MBTPS1: variants seen among roughly 807,000 people sequenced by gnomAD.
MBTPS1 encodes membrane-bound transcription factor site-1 protease.
MBTPS1 carries 94 observed loss-of-function variants against 127.8 expected under a neutral mutation model. The observed-to-expected ratio is 0.74, with a 90% CI of 0.62 to 0.87. The LOEUF is 0.87. MBTPS1 is among the 40% of genes least tolerant of loss of function. The pLI, the probability that MBTPS1 is intolerant of heterozygous loss-of-function variation, is 0.00. For synonymous variants in MBTPS1, 632 were observed against 509.4 expected, an observed-to-expected ratio of 1.24 and a Z score of -3.24; for missense variants, 1,636 against 1,353.2, an observed-to-expected ratio of 1.21 and a Z score of -3.28.
At chr16:84,085,181 C>G in intron 9 of MBTPS1, 47 bp from the exon 10 acceptor site, 1 of 1,577,868 alleles carries the variant, frequency 6.3e-7, no homozygotes, top group Non-Finnish European at 8.7e-7. Flanking sequence ...CATTGGCATA[C>G]AGCCGCATGC....
At position 84,081,840 on chromosome 16, in the gene MBTPS1, C is replaced by T; in HGVS notation, c.1355G>A (p.Arg452Lys). ...CTCAAACATGTTGACCCCGGGGAGC[C>T]TCCGGGCTGACGCGATCAGGGCCTG... ...MKQALIASAR[R>K]LPGVNMFEQG... The change falls in exon 11 of 23, where the codon AGG (arginine) becomes AAG (lysine). Residue 452 changes from arginine (R) to lysine (K), a missense_variant. By Grantham distance (26) the Arg-to-Lys change is conservative (BLOSUM62 2). Coordinates refer to ENST00000343411, the MANE Select transcript of MBTPS1 (RefSeq NM_003791.4). 6.5e-7 allele frequency: 1 copy of T among 1,533,304 alleles called. No individual in the cohort carries two copies. Among genetic ancestry groups the T allele is most frequent in the Middle Eastern group, 1.7e-4 (1 of 5,786 alleles). The allele number at this position is 1,533,304 out of a possible 1,614,324, so 95.0% of individuals were successfully genotyped here. A position where few individuals can be genotyped will look rare whatever the true frequency, so the allele number is the denominator to read the frequency against.
In MBTPS1 at chr16:84,113,253, C is replaced by T. The variant is rs530726008; in HGVS notation, c.-325+3482G>A. On this transcript the variant is annotated intron_variant, in intron 1 of 22. Coordinates refer to ENST00000343411, the MANE Select transcript of MBTPS1 (RefSeq NM_003791.4). ...TTAGAGAGCCTACTTAGGGCTGTTA[C>T]TGTATCCACTAAATGTTAACTGGAT... Among the ~76,000 whole-genome samples, 13 of 152,300 alleles carry T rather than the reference C, an allele frequency of 8.5e-5. No individual in the cohort carries two copies. The East Asian group carries it at 2.1e-3, about 25-fold the overall frequency.
At chr16:84,087,653 T>C (rs2086050070) in intron 8 of MBTPS1, among the ~76,000 whole-genome samples, 193 bp from the exon 9 acceptor site, 1 of 152,166 alleles carries the variant, frequency 6.6e-6, no homozygotes, top group Non-Finnish European at 1.5e-5. Flanking sequence ...ACGTTCATGC[T>C]GTGCTCACAT....
intron 1 of MBTPS1, among the ~76,000 whole-genome samples, chr16:84,108,301 G>A (rs925775762): frequency 6.6e-6 from 1 of 152,102 alleles, no homozygotes; most frequent in South Asian, 2.1e-4. Flanking sequence ...GTCTCACTTT[G>A]CTGCCCAGGC....
At chr16:84,056,746 A>AT (rs1480836669) in intron 21 of MBTPS1, 1 of 152,394 alleles carries the variant, frequency 6.6e-6, no homozygotes, top group Non-Finnish European at 1.5e-5. Context: ...GGACGATCAA[A>AT]TGAACGTGTG....
rs922752793 is a variant in MBTPS1, at chr16:84,099,405, A to T, written c.164-95T>A. The T allele has an allele frequency of 1.0e-5, 13 of 1,277,546 alleles. No homozygotes were observed. In the African/African-American group the frequency reaches 1.8e-4, roughly 18 times the overall value. The allele number at this position is 1,277,546 out of a possible 1,614,324, so 79.1% of individuals were successfully genotyped here. A position where few individuals can be genotyped will look rare whatever the true frequency, so the allele number is the denominator to read the frequency against. ...TAATCTAAAATCTGGCAAAAGAAAAATTATCTTAAAGCCCACAGCAGACGA... is the reference window on the plus strand; with the variant it reads ...TAATCTAAAATCTGGCAAAAGAAAATTTATCTTAAAGCCCACAGCAGACGA... On this transcript the variant is annotated intron_variant, in intron 2 of 22. Coordinates refer to ENST00000343411, the MANE Select transcript of MBTPS1 (RefSeq NM_003791.4).
intron 3 of MBTPS1, 86 bp downstream of exon 3, chr16:84,098,967 C>G: frequency 7.1e-6 from 9 of 1,260,300 alleles, no homozygotes; most frequent in Non-Finnish European, 9.1e-6. Flanking sequence ...TGCGGATACT[C>G]ACTGTACTAT....
chr16:84,056,382 A>G, intron 21 of MBTPS1: 1 of 393,946 alleles, frequency 2.5e-6, no homozygotes, highest in East Asian at 4.7e-5. Context: ...CAATATGACC[A>G]GCAGGAGCCT....
Position 84,069,229 on chromosome 16 carries a change from T to C in MBTPS1, c.1955+637A>G, listed in dbSNP as rs570995165. Reference sequence around the variant, plus strand: ...TCCAAACATAAAAGCAGAAATGAGCTTGGCTAATGCACCAAGAGAAAGTCA... The same window carrying C: ...TCCAAACATAAAAGCAGAAATGAGCCTGGCTAATGCACCAAGAGAAAGTCA... On this transcript the variant is annotated intron_variant, in intron 14 of 22. Transcript: ENST00000343411. Among the ~76,000 whole-genome samples, 5 of 152,312 alleles carry C rather than the reference T, an allele frequency of 3.3e-5. No homozygotes were observed. The East Asian group carries it at 9.7e-4, about 29-fold the overall frequency.
rs769236326 is a variant in MBTPS1, at chr16:84,060,783, T to C, written c.2603A>G (p.Gln868Arg). 1 of 1,598,260 alleles carries C rather than the reference T, an allele frequency of 6.3e-7. No homozygotes were observed. Among genetic ancestry groups the C allele is most frequent in the Non-Finnish European group, 8.5e-7 (1 of 1,172,444 alleles). ...DCFWLLDALL[Q>R]YTSYGVTPPS... is the part of the protein sequence containing the mutation. ...CGGTGTCACCCCATACGATGTGTAC[T>C]GGAGGAGGGCATCCAGAAGCCAAAA... The change falls in exon 20 of 23, where the codon CAG becomes CGG. Residue 868 changes from glutamine to arginine, a missense_variant. Transcript: ENST00000343411.
intron 13 of MBTPS1, among the ~76,000 whole-genome samples, chr16:84,070,274 T>A: frequency 6.6e-6 from 1 of 152,376 alleles, no homozygotes; most frequent in Non-Finnish European, 1.5e-5. Flanking sequence ...TAGAGCCTCA[T>A]AGGATTAACC....
At chr16:84,074,576 C>A in intron 12 of MBTPS1, 21 bp downstream of exon 12, 1 of 1,610,118 alleles carries the variant, frequency 6.2e-7, no homozygotes, top group Non-Finnish European at 8.5e-7. Flanking sequence ...AGTCAGAGAC[C>A]AAGTCAGAGA....
intron 7 of MBTPS1, among the ~76,000 whole-genome samples, chr16:84,091,254 G>T (rs1017483272): frequency 6.6e-6 from 1 of 152,280 alleles, no homozygotes; most frequent in Middle Eastern, 3.4e-3. Context: ...GAAAGGCTGA[G>T]GTGGGTGGAT....
In MBTPS1 at chr16:84,077,301, GA is replaced by G. The variant is rs922473902; in HGVS notation, c.1449-2561del. On this transcript the variant is annotated intron_variant, in intron 11 of 22. Transcript: ENST00000343411. ...AGAAAAGAATACCCAAGAAAACAACGAAAAAAAAAATTACAAGGGGAACTAG... is the reference window on the plus strand; with the variant it reads ...AGAAAAGAATACCCAAGAAAACAACGAAAAAAAAATTACAAGGGGAACTAG... Among the ~76,000 whole-genome samples, 663 of 144,180 alleles carry G rather than the reference GA, an allele frequency of 4.6e-3. 2 individuals carry two copies. The highest frequency in any genetic ancestry group is 6.7e-3 in the African/African-American group (266 of 39,568). 94.6% of individuals were successfully genotyped at this position (144,180 alleles called of 152,430 possible).
intron 17 of MBTPS1, 62 bp from the exon 18 acceptor site, chr16:84,065,829 G>A: frequency 2.0e-6 from 2 of 979,856 alleles, no homozygotes; most frequent in South Asian, 3.4e-5. Context: ...ATAAATAATA[G>A]CTACTCGTTT....
chr16:84,069,131 A>C (rs1359634161), intron 14 of MBTPS1, among the ~76,000 whole-genome samples: 1 of 152,130 alleles, frequency 6.6e-6, no homozygotes, highest in African/African-American at 2.4e-5. Context: ...GGCAAGTCTG[A>C]CTCTGTAACT....
chr16:84,108,794 G>C (rs963959218), intron 1 of MBTPS1, among the ~76,000 whole-genome samples: 1 of 152,176 alleles, frequency 6.6e-6, no homozygotes, highest in African/African-American at 2.4e-5. Flanking sequence ...TGGGGTGATA[G>C]CAGTGAAGGT....
chr16:84,060,741 G>T lies in MBTPS1; in HGVS notation c.2645C>A (p.Ser882Tyr). 1 of 1,612,928 alleles carries T rather than the reference G, an allele frequency of 6.2e-7. No individual in the cohort carries two copies. Among genetic ancestry groups the T allele is most frequent in the Non-Finnish European group, 8.5e-7 (1 of 1,179,532 alleles). ...YGVTPPSLSH[S>Y]GNRQRPPSGA... ...ACTGGGAGGGCGCTGGCGGTTCCCA[G>T]AGTGACTGAGGCTAGGCGGTGTCAC... Residue 882 changes from serine to tyrosine, a missense_variant, in exon 20 of 23, where the codon TCT becomes TAT. Coordinates refer to ENST00000343411, the MANE Select transcript of MBTPS1 (RefSeq NM_003791.4).
chr16:84,087,361 G>A lies in MBTPS1; in HGVS notation c.1131C>T (p.Thr377=). Residue 377 remains threonine, a synonymous_variant, in exon 9 of 23, where the codon ACC becomes ACT. Coordinates refer to ENST00000343411, the MANE Select transcript of MBTPS1 (RefSeq NM_003791.4). ...IARFSSRGMT[T]WELPGGYGRM... is the part of the protein sequence containing the mutation. ...TATTTAGCAAAGAAGAGCGTACCCA[G>A]GTAGTCATTCCCCTTGAAGAAAAGC... 6.2e-7 allele frequency: 1 copy of A among 1,610,148 alleles called. No homozygotes were observed. The highest frequency in any genetic ancestry group is 8.5e-7 in the Non-Finnish European group (1 of 1,176,732).
Sources: gnomAD v4.1 joint callset for allele counts (sites outside exome capture counted in the v4.1 genomes callset) on GRCh38, gnomAD v4.1.1 for gene constraint, MANE v1.5 for transcripts, NCBI Gene and HGNC (gene_info 2026-07-23, HGNC 2026-07-21) for gene names.